The following DCC variants were observed in gnomAD, a reference collection of about 807,000 sequenced individuals.
The protein encoded by DCC is DCC netrin 1 receptor, also known as netrin receptor DCC.
In DCC, 58 loss-of-function variants were observed where a neutral mutation model predicts 172.5. The observed-to-expected ratio is 0.34, with a 90% CI of 0.27 to 0.42. DCC has a LOEUF of 0.42. DCC is among the 10% of genes least tolerant of loss of function. The pLI is 1.00. For missense variants in DCC, 1,740 were observed against 1,791.0 expected, an observed-to-expected ratio of 0.97 and a Z score of 0.51; for synonymous variants, 709 against 644.5, an observed-to-expected ratio of 1.10 and a Z score of -1.52.
At chr18:52,684,482 C>A (rs1433308309) in intron 1 of DCC, among the ~76,000 whole-genome samples, 1 of 151,828 alleles carries the variant, frequency 6.6e-6, no homozygotes, top group Non-Finnish European at 1.5e-5. Flanking sequence ...ATTCAATATG[C>A]AACACATCAG....
chr18:53,091,199 GAA>G (rs1366144554), intron 7 of DCC, among the ~76,000 whole-genome samples: 1 of 151,654 alleles, frequency 6.6e-6, no homozygotes, highest in Non-Finnish European at 1.5e-5. Flanking sequence ...TGTGTACTTA[GAA>G]CTCATATAGG....
At chr18:53,048,201 A>G (rs559297359) in intron 5 of DCC, among the ~76,000 whole-genome samples, 38 of 151,824 alleles carry the variant, frequency 2.5e-4, no homozygotes, top group African/African-American at 9.2e-4. Context: ...TTTGTTTTAC[A>G]GGTTATTTCA....
At position 53,391,676 on chromosome 18, in the gene DCC, A is replaced by G. The variant is rs1419406654; in HGVS notation, c.2477A>G (p.Tyr826Cys). ...SITDPTDPVD[Y>C]YPLLDDFPTS... ...CCAGATCCCACTGACCCAGTTGATT[A>G]TTATCCTTTGCTTGATGATTTCCCC... The change falls in exon 17 of 29, where the codon TAT (tyrosine) becomes TGT (cysteine). Residue 826 changes from tyrosine (Y) to cysteine (C), a missense_variant. Tyr to Cys is a radical substitution (Grantham distance 194). This residue lies in a region of DCC where 1,732 missense variants were observed against 1,767.4 expected (regional missense o/e 0.98). Transcript: ENST00000442544. 16 of 1,613,698 alleles carry G rather than the reference A, an allele frequency of 9.9e-6. No individual in the cohort carries two copies. The highest frequency in any genetic ancestry group is 1.3e-5 in the African/African-American group (1 of 74,852).
At chr18:52,579,582 G>A (rs2144774288) in intron 1 of DCC, among the ~76,000 whole-genome samples, 1 of 152,150 alleles carries the variant, frequency 6.6e-6, no homozygotes, top group African/African-American at 2.4e-5. Flanking sequence ...CACCTCTGTT[G>A]GATTAGGCTG....
At chr18:53,102,856 CATA>C (rs2043193282) in intron 7 of DCC, among the ~76,000 whole-genome samples, 1 of 152,068 alleles carries the variant, frequency 6.6e-6, no homozygotes, top group Non-Finnish European at 1.5e-5. Context: ...AATTTCAAAT[CATA>C]ATGTGTAAGG....
intron 3 of DCC, among the ~76,000 whole-genome samples, chr18:52,909,167 C>T (rs181647220): frequency 1.4e-3 from 213 of 152,214 alleles, no homozygotes; most frequent in Middle Eastern, 0.014. Context: ...CAAAAATCAT[C>T]GTAATCCTTT....
chr18:53,453,151 A>G (rs1316511474), intron 23 of DCC, among the ~76,000 whole-genome samples: 1 of 152,000 alleles, frequency 6.6e-6, no homozygotes, highest in Non-Finnish European at 1.5e-5. Context: ...TCCTGACTTC[A>G]TGATCTGCCC....
At chr18:52,467,975 C>G (rs1988836798) in intron 1 of DCC, among the ~76,000 whole-genome samples, 1 of 152,054 alleles carries the variant, frequency 6.6e-6, no homozygotes, top group Non-Finnish European at 1.5e-5. Context: ...TAGATTGCAA[C>G]AGTTCCTATA....
intron 6 of DCC, chr18:53,063,717 C>G: frequency 2.4e-6 from 1 of 418,572 alleles, no homozygotes; most frequent in South Asian, 2.3e-5. Flanking sequence ...AAATGAAATA[C>G]AGACAGCCTA....
chr18:53,311,132 T>G (rs1356713786), intron 13 of DCC, among the ~76,000 whole-genome samples: 1 of 151,696 alleles, frequency 6.6e-6, no homozygotes, highest in Non-Finnish European at 1.5e-5. Flanking sequence ...ATTTATTTAT[T>G]TTTTTTGAGA....
rs546547421 is a variant in DCC at position 53,164,559 on chromosome 18, T to C, written c.1418+7047T>C. On this transcript the variant is annotated intron_variant, in intron 8 of 28. Transcript: ENST00000442544. ...CCTGGGTTCAAATCCTGGCTTGTTA[T>C]TTTACCATCTGTGTGACTTTGGGCC... 1.4e-4 allele frequency among the ~76,000 whole-genome samples: 21 copies of C among 152,350 alleles called. No homozygotes were observed. The South Asian group carries it at 2.5e-3, about 18-fold the overall frequency.
At chr18:52,870,637 C>T (rs1187296752) in intron 2 of DCC, among the ~76,000 whole-genome samples, 2 of 152,046 alleles carry the variant, frequency 1.3e-5, no homozygotes, top group African/African-American at 4.8e-5. Flanking sequence ...CACATTTCTG[C>T]AGTTTTGACA....
intron 27 of DCC, among the ~76,000 whole-genome samples, chr18:53,521,388 T>C (rs2046397228): frequency 6.6e-6 from 1 of 152,102 alleles, no homozygotes. Context: ...ATGATACACA[T>C]AGTGCAATAC....
At chr18:53,366,348 C>T (rs1349820519) in intron 15 of DCC, among the ~76,000 whole-genome samples, 1 of 152,024 alleles carries the variant, frequency 6.6e-6, no homozygotes, top group Non-Finnish European at 1.5e-5. Context: ...ACACCCAGCC[C>T]TTAATATGTT....
chr18:52,758,595 A>C (rs868853257), intron 2 of DCC, among the ~76,000 whole-genome samples: 5 of 152,080 alleles, frequency 3.3e-5, no homozygotes, highest in Admixed American at 6.6e-5. Context: ...GTGAAAGCAT[A>C]TTATGGTGAG....
chr18:53,101,833 G>A (rs62099185), intron 7 of DCC, among the ~76,000 whole-genome samples: 5,173 of 68,356 alleles, frequency 0.076, 169 homozygotes, highest in African/African-American at 0.15. Flanking sequence ...GTGTATTTGT[G>A]TGTGTGTGCG....
chr18:53,327,297 A>G (rs1250369691), intron 14 of DCC, among the ~76,000 whole-genome samples: 1 of 152,122 alleles, frequency 6.6e-6, no homozygotes, highest in Admixed American at 6.5e-5. Context: ...TGTGCCTCAA[A>G]ATTTCAGCTT....
chr18:53,306,127 G>T (rs2144784263), intron 13 of DCC, among the ~76,000 whole-genome samples: 1 of 152,246 alleles, frequency 6.6e-6, no homozygotes, highest in African/African-American at 2.4e-5. Context: ...CTGAAGAAAA[G>T]GGTAGATTGT....
At chr18:53,353,189 C>A (rs1275101567) in intron 15 of DCC, among the ~76,000 whole-genome samples, 4 of 151,502 alleles carry the variant, frequency 2.6e-5, no homozygotes, top group African/African-American at 9.7e-5. Context: ...AGGCAGGAAT[C>A]ACTTGAACCC....
Sources: allele counts gnomAD v4.1 joint callset (sites outside exome capture counted in the v4.1 genomes callset), GRCh38; gene constraint gnomAD v4.1.1; regional missense constraint gnomAD v4.1.1; transcripts MANE v1.5; gene names NCBI Gene and HGNC (gene_info 2026-07-23, HGNC 2026-07-21).